Variants in KIF14 observed in about 807,000 individuals in gnomAD.
The protein encoded by KIF14 is kinesin-like protein KIF14.
Under a neutral mutation model 176.2 loss-of-function variants are expected in KIF14, and 98 were observed. The ratio of observed to expected loss-of-function variants is 0.56; its 90% CI spans 0.47 to 0.66. The LOEUF is 0.66. Among genes scored for constraint, KIF14 ranks in the 30% least tolerant of loss-of-function variants. KIF14 has a pLI of 0.00. For missense variants in KIF14, 1,751 were observed against 1,920.4 expected (o/e 0.91, Z 1.65); for synonymous variants, 566 against 632.2 (o/e 0.90, Z 1.57).
Position 200,618,202 on chromosome 1 carries a change from A to G in KIF14, c.522T>C (p.Phe174=). 6.2e-7 allele frequency: 1 copy of G among 1,614,050 alleles called. No homozygotes were observed. The highest frequency in any genetic ancestry group is 1.7e-5 in the Admixed American group (1 of 60,020). ...CATCTAAAGGTACAGAAGAGGCAAC[A>G]AAAGAGTTTTTAGCATTATTTACAA... ...VRIVNNAKNS[F]VASSVPLDED... Residue 174 remains phenylalanine, a synonymous_variant, in exon 2 of 30, where the codon TTT becomes TTC. Transcript: ENST00000367350.
chr1:200,566,106 A>G (rs1416673813), intron 23 of KIF14, among the ~76,000 whole-genome samples: 1 of 152,186 alleles, frequency 6.6e-6, no homozygotes, highest in African/African-American at 2.4e-5. Context: ...TCTATATGCT[A>G]AAGTGAAAAC....
intron 5 of KIF14, among the ~76,000 whole-genome samples, chr1:200,608,326 A>G (rs1263482587): frequency 1.3e-5 from 2 of 151,538 alleles, no homozygotes; most frequent in African/African-American, 4.8e-5. Context: ...AAATCTGATA[A>G]CTAATTTAAT....
rs979870567 is a variant in KIF14, at chr1:200,618,305, G to T, written c.419C>A (p.Ser140Tyr). Reference protein sequence around the residue: ...AEKWKTAEIDSVKMTLNVGGE... With the variant: ...AEKWKTAEIDYVKMTLNVGGE... ...TCCCACATTCAGTGTCATTTTGACA[G>T]AATCTATTTCAGCTGTTTTCCACTT... The change falls in exon 2 of 30, where the codon TCT becomes TAT. Residue 140 changes from serine to tyrosine, a missense_variant. Coordinates refer to ENST00000367350, the MANE Select transcript of KIF14 (RefSeq NM_014875.3). The T allele has an allele frequency of 1.2e-6, 2 of 1,613,700 alleles. No individual in the cohort carries two copies. The highest frequency in any genetic ancestry group is 1.7e-6 in the Non-Finnish European group (2 of 1,180,008).
chr1:200,615,924 C>G (rs1462915197), intron 2 of KIF14, among the ~76,000 whole-genome samples: 1 of 151,900 alleles, frequency 6.6e-6, no homozygotes, highest in Admixed American at 6.6e-5. Flanking sequence ...TATAATCTAC[C>G]TATACTCTTC....
At chr1:200,592,011 C>T in intron 16 of KIF14, 69 bp downstream of exon 16, 2 of 1,322,626 alleles carry the variant, frequency 1.5e-6, no homozygotes, top group East Asian at 4.7e-5. Context: ...TAGAGACTGG[C>T]ACAATGTGAT....
chr1:200,595,528 T>C (rs1265030173), intron 14 of KIF14, among the ~76,000 whole-genome samples: 2 of 152,246 alleles, frequency 1.3e-5, no homozygotes, highest in Non-Finnish European at 2.9e-5. Flanking sequence ...GACTCTTAAC[T>C]CTTTGGGAGC....
intron 22 of KIF14, among the ~76,000 whole-genome samples, chr1:200,573,401 G>A (rs572537210): frequency 1.5e-5 from 2 of 135,324 alleles, no homozygotes; most frequent in South Asian, 2.4e-4. Context: ...ATACAGACAC[G>A]TTCCCTACAC....
intron 22 of KIF14, among the ~76,000 whole-genome samples, chr1:200,570,782 C>A (rs1444032282): frequency 6.6e-6 from 1 of 152,066 alleles, no homozygotes; most frequent in Non-Finnish European, 1.5e-5. Context: ...TCAAGGGGTA[C>A]ATGTGCAGGT....
Position 200,553,420 on chromosome 1 carries a change from CCT to C in KIF14, c.4913_4914del (p.Glu1638GlyfsTer6). 1 of 1,613,422 alleles carries C rather than the reference CCT, an allele frequency of 6.2e-7. No individual in the cohort carries two copies. The highest frequency in any genetic ancestry group is 8.5e-7 in the Non-Finnish European group (1 of 1,179,710). On this transcript the variant is annotated frameshift_variant, in exon 30 of 30. Transcript: ENST00000367350. LOFTEE classifies it high-confidence loss of function. ...LHGSSPAVSS[E>X]ECTPSRIQWV Reference sequence around the variant, plus strand: ...CACTGAATCCTACTGGGTGTGCATTCCTCTGAGCTCACTGCTGGGGATGAGCC... The same window carrying C: ...CACTGAATCCTACTGGGTGTGCATTCCTGAGCTCACTGCTGGGGATGAGCC...
At chr1:200,599,540 C>T (rs573960541) in intron 13 of KIF14, among the ~76,000 whole-genome samples, 2 of 152,326 alleles carry the variant, frequency 1.3e-5, no homozygotes, top group East Asian at 1.9e-4. Flanking sequence ...TAGTACTCCC[C>T]CACTACCAAT....
At chr1:200,555,138 C>T (rs1330126018) in intron 28 of KIF14, among the ~76,000 whole-genome samples, 1 of 151,988 alleles carries the variant, frequency 6.6e-6, no homozygotes, top group African/African-American at 2.4e-5. Flanking sequence ...AGTTATTAAA[C>T]CAGTAGCAAT....
chr1:200,559,301 T>A, intron 27 of KIF14, 29 bp downstream of exon 27: 1 of 1,427,496 alleles, frequency 7.0e-7, no homozygotes, highest in Non-Finnish European at 9.4e-7. Flanking sequence ...TATTTAGTAC[T>A]GTACAGAATA....
intron 27 of KIF14, among the ~76,000 whole-genome samples, chr1:200,557,653 G>C (rs1395780110): frequency 1.3e-5 from 2 of 152,108 alleles, no homozygotes; most frequent in Admixed American, 1.3e-4. Context: ...CAAAGGGATG[G>C]AGAATCTCTG....
Position 200,599,029 on chromosome 1 carries a change from A to C in KIF14, c.2365-608T>G, listed in dbSNP as rs115059888. Among the ~76,000 whole-genome samples the C allele has an allele frequency of 5.3e-3, 811 of 152,230 alleles. 9 individuals carry two copies. The highest frequency in any genetic ancestry group is 0.019 in the African/African-American group (779 of 41,510). On this transcript the variant is annotated intron_variant, in intron 13 of 29. Transcript: ENST00000367350. ...AGAATAGATCAGTTTGTTTTGTTGCATCTTCATTGCCTTCACCACAGGCCC... is the reference window on the plus strand; with the variant it reads ...AGAATAGATCAGTTTGTTTTGTTGCCTCTTCATTGCCTTCACCACAGGCCC...
intron 19 of KIF14, among the ~76,000 whole-genome samples, chr1:200,583,054 C>T (rs1658546455): frequency 6.6e-6 from 1 of 151,968 alleles, no homozygotes. Context: ...ACACAATCAG[C>T]AAAATCCAGA....
intron 19 of KIF14, among the ~76,000 whole-genome samples, chr1:200,585,896 C>G (rs1470113279): frequency 6.6e-6 from 1 of 152,128 alleles, no homozygotes; most frequent in Non-Finnish European, 1.5e-5. Context: ...AACATTCAGT[C>G]TAAAGCATTG....
In KIF14 at chr1:200,603,248, A is replaced by T. The variant is rs769113874; in HGVS notation, c.1957T>A (p.Tyr653Asn). 1.9e-6 allele frequency: 3 copies of T among 1,601,474 alleles called. No individual in the cohort carries two copies. Among genetic ancestry groups the T allele is most frequent in the Non-Finnish European group, 2.6e-6 (3 of 1,170,418 alleles). The change falls in exon 10 of 30, where the codon TAT becomes AAT. Residue 653 changes from tyrosine to asparagine, a missense_variant. Coordinates refer to ENST00000367350, the MANE Select transcript of KIF14 (RefSeq NM_014875.3). Reference sequence around the variant, plus strand: ...TGCCATGTAAGAACAGATTCACGATAAGGAATAAAAACACTCCTTTGGTTT... The same window carrying T: ...TGCCATGTAAGAACAGATTCACGATTAGGAATAAAAACACTCCTTTGGTTT... ...QANQRSVFIP[Y>N]RESVLTWLLK...
chr1:200,576,255 G>C (rs1658098223), intron 21 of KIF14, among the ~76,000 whole-genome samples: 1 of 151,970 alleles, frequency 6.6e-6, no homozygotes, highest in Non-Finnish European at 1.5e-5. Flanking sequence ...GAGGCGGGCG[G>C]ATCACGAGGT....
intron 4 of KIF14, among the ~76,000 whole-genome samples, chr1:200,610,362 T>C (rs1435894720): frequency 6.6e-6 from 1 of 151,788 alleles, no homozygotes; most frequent in Non-Finnish European, 1.5e-5. Context: ...TACAAAAAAT[T>C]AGCCGGGCGT....
Sources: gnomAD v4.1 joint callset for allele counts (sites outside exome capture counted in the v4.1 genomes callset) on GRCh38, gnomAD v4.1.1 for gene constraint, MANE v1.5 for transcripts, NCBI Gene and HGNC (gene_info 2026-07-23, HGNC 2026-07-21) for gene names.